Variants in COX7B2 observed in about 807,000 individuals in gnomAD.
COX7B2 encodes cytochrome c oxidase subunit 7B2.
For synonymous variants in COX7B2, 37 were observed against 32.1 expected, an observed-to-expected ratio of 1.15 and a Z score of -0.51; for missense variants, 109 against 95.9, an observed-to-expected ratio of 1.14 and a Z score of -0.57.
At chr4:46,906,432 C>T (rs1410644177) in intron 1 of COX7B2, among the ~76,000 whole-genome samples, 1 of 152,204 alleles carries the variant, frequency 6.6e-6, no homozygotes, top group Non-Finnish European at 1.5e-5. Flanking sequence ...AAACACACCT[C>T]TACTTTTTAT....
intron 2 of COX7B2, among the ~76,000 whole-genome samples, chr4:46,790,860 T>C (rs1049481725): frequency 2.0e-5 from 3 of 152,198 alleles, no homozygotes; most frequent in Non-Finnish European, 2.9e-5. Flanking sequence ...AAACCCTAGG[T>C]TTATTACCAC....
intron 2 of COX7B2, among the ~76,000 whole-genome samples, chr4:46,826,700 GT>G (rs1428599609): frequency 6.6e-6 from 1 of 152,148 alleles, no homozygotes. Context: ...ATGAGATCAT[GT>G]TTTTTGTGGG....
At chr4:46,799,550 G>T (rs545394525) in intron 2 of COX7B2, among the ~76,000 whole-genome samples, 3 of 152,254 alleles carry the variant, frequency 2.0e-5, no homozygotes, top group East Asian at 3.9e-4. Context: ...AGTTTGTTGA[G>T]AGTTTATAAT....
intron 1 of COX7B2, among the ~76,000 whole-genome samples, chr4:46,858,814 A>G (rs560311351): frequency 3.9e-5 from 6 of 152,308 alleles, no homozygotes; most frequent in South Asian, 2.1e-4. Flanking sequence ...CTTCAGACAT[A>G]TAAGGAAATA....
chr4:46,793,532 G>A (rs1036939072), intron 2 of COX7B2, among the ~76,000 whole-genome samples: 1 of 152,184 alleles, frequency 6.6e-6, no homozygotes, highest in East Asian at 1.9e-4. Flanking sequence ...AACAAATATA[G>A]TAAGTTTGGC....
intron 1 of COX7B2, among the ~76,000 whole-genome samples, chr4:46,905,810 A>ATATTTTTT (rs1720343183): frequency 8.3e-5 from 5 of 60,468 alleles, no homozygotes; most frequent in Admixed American, 3.2e-4. Flanking sequence ...ATAAGCATAT[A>ATATTTTTT]TTTCTTTTTT....
chr4:46,906,997 T>G (rs1184005789), intron 1 of COX7B2, among the ~76,000 whole-genome samples: 2 of 152,220 alleles, frequency 1.3e-5, no homozygotes, highest in Non-Finnish European at 2.9e-5. Flanking sequence ...TTCAACAGAT[T>G]TCCCTAGTCT....
intron 1 of COX7B2, among the ~76,000 whole-genome samples, chr4:46,880,791 A>G (rs1036979010): frequency 3.5e-5 from 5 of 143,924 alleles, no homozygotes; most frequent in Non-Finnish European, 7.6e-5. Context: ...GGAATTGAAC[A>G]ATGAGATCAC....
At chr4:46,764,244 T>C (rs1477647852) in intron 2 of COX7B2, among the ~76,000 whole-genome samples, 1 of 152,130 alleles carries the variant, frequency 6.6e-6, no homozygotes, top group African/African-American at 2.4e-5. Context: ...TATTTAGAGA[T>C]ATAAGAAGAA....
chr4:46,889,182 TA>T (rs1326721207), intron 1 of COX7B2, among the ~76,000 whole-genome samples: 6 of 152,230 alleles, frequency 3.9e-5, no homozygotes, highest in Non-Finnish European at 5.9e-5. Context: ...ATCCATTTGA[TA>T]GAACTAGTTA....
intron 1 of COX7B2, among the ~76,000 whole-genome samples, chr4:46,901,238 T>C (rs993284587): frequency 6.6e-6 from 1 of 152,206 alleles, no homozygotes; most frequent in East Asian, 1.9e-4. Flanking sequence ...ATATTAAACA[T>C]GGACTGCTAC....
At chr4:46,801,591 G>A (rs1271624245) in intron 2 of COX7B2, among the ~76,000 whole-genome samples, 9 of 152,032 alleles carry the variant, frequency 5.9e-5, no homozygotes, top group Admixed American at 5.9e-4. Flanking sequence ...AGTAGGGTGA[G>A]GATTGAAAAA....
intron 2 of COX7B2, among the ~76,000 whole-genome samples, chr4:46,831,019 C>A (rs1005778381): frequency 2.0e-5 from 3 of 152,200 alleles, no homozygotes; most frequent in African/African-American, 7.2e-5. Flanking sequence ...CCGGCTCCCT[C>A]AGCCTGTGGG....
intron 2 of COX7B2, among the ~76,000 whole-genome samples, chr4:46,761,576 G>A (rs1339771837): frequency 6.6e-6 from 1 of 152,084 alleles, no homozygotes; most frequent in African/African-American, 2.4e-5. Flanking sequence ...TTCAGGCTGA[G>A]AATGCATTTT....
At chr4:46,765,208 G>T (rs1716453766) in intron 2 of COX7B2, among the ~76,000 whole-genome samples, 1 of 151,990 alleles carries the variant, frequency 6.6e-6, no homozygotes, top group Admixed American at 6.6e-5. Flanking sequence ...AGAGCACCTG[G>T]GTGACACACA....
chr4:46,888,932 G>T (rs934146550), intron 1 of COX7B2, among the ~76,000 whole-genome samples: 20 of 152,096 alleles, frequency 1.3e-4, no homozygotes, highest in Non-Finnish European at 1.6e-4. Context: ...CAGTGTTGCT[G>T]CAATGATTAT....
At chr4:46,770,254 AAAAT>A (rs1716797819) in intron 2 of COX7B2, among the ~76,000 whole-genome samples, 1 of 152,204 alleles carries the variant, frequency 6.6e-6, no homozygotes, top group Non-Finnish European at 1.5e-5. Context: ...AATAGCATCA[AAAAT>A]AAATAAATAC....
intron 1 of COX7B2, among the ~76,000 whole-genome samples, chr4:46,859,271 C>T (rs1717200773): frequency 6.6e-6 from 1 of 152,162 alleles, no homozygotes; most frequent in Admixed American, 6.5e-5. Flanking sequence ...GCCACAGGTA[C>T]AGCTTCTTCC....
chr4:46,826,748 T>C (rs1263097606), intron 2 of COX7B2, among the ~76,000 whole-genome samples: 1 of 152,010 alleles, frequency 6.6e-6, no homozygotes, highest in Non-Finnish European at 1.5e-5. Context: ...ACCTTAGCAA[T>C]CTAAAGTAGG....
Sources: gnomAD v4.1 joint callset for allele counts (sites outside exome capture counted in the v4.1 genomes callset) on GRCh38, gnomAD v4.1.1 for gene constraint, MANE v1.5 for transcripts, NCBI Gene and HGNC (gene_info 2026-07-23, HGNC 2026-07-21) for gene names.